The following UNC79 variants were observed in gnomAD, a reference collection of about 807,000 sequenced individuals.
UNC79 encodes the protein protein unc-79 homolog.
UNC79 carries 37 observed loss-of-function variants against 283.1 expected under a neutral mutation model. That is an observed-to-expected ratio of 0.13 (90% CI 0.10 to 0.17). UNC79 has a LOEUF of 0.17. Ranked by LOEUF, UNC79 falls within the 10% of genes least tolerant of loss-of-function variation. The pLI is 1.00. For missense variants in UNC79, 2,272 were observed against 3,211.1 expected (o/e 0.71, Z 7.07); for synonymous variants, 1,107 against 1,200.2 (o/e 0.92, Z 1.61).
Position 93,617,368 on chromosome 14 carries a change from G to C in UNC79, c.4224+64G>C, listed in dbSNP as rs558226814. ...TCTCTTAGAGAGCATATAGCATTAG[G>C]AGAACACCTGAGTCTTTAGTTGAAA... is the stretch of plus-strand genomic sequence containing the variant. On this transcript the variant is annotated intron_variant, in intron 28 of 48. Coordinates refer to ENST00000555664, the Ensembl canonical transcript of UNC79. The surrounding 1 kb of genome is among the most constrained non-coding windows in gnomAD (Gnocchi z 4.5). The C allele has an allele frequency of 7.3e-5, 110 of 1,506,184 alleles. No individual in the cohort carries two copies. The African/African-American group carries it at 1.3e-3, about 18-fold the overall frequency. The allele number at this position is 1,506,184 out of a possible 1,614,324, so 93.3% of individuals were successfully genotyped here. A position where few individuals can be genotyped will look rare whatever the true frequency, so the allele number is the denominator to read the frequency against.
At chr14:93,423,227 GAA>G (rs2055646150) in intron 1 of UNC79, among the ~76,000 whole-genome samples, 1 of 151,942 alleles carries the variant, frequency 6.6e-6, no homozygotes, top group African/African-American at 2.4e-5. Context: ...ATTGAAGAAG[GAA>G]ATATATTCCA....
Position 93,621,383 on chromosome 14 carries a change from C to T in UNC79, c.4388-238C>T, listed in dbSNP as rs1301732943. 6.6e-6 allele frequency among the ~76,000 whole-genome samples: 1 copy of T among 152,144 alleles called. No individual in the cohort carries two copies. The highest frequency in any genetic ancestry group is 1.5e-5 in the Non-Finnish European group (1 of 68,020). ...AATGAACAGAGCTGAGGAATTATCC[C>T]GAAGCCCGATTTTGGAAATCAGATC... On this transcript the variant is annotated intron_variant, in intron 29 of 48. Transcript: ENST00000555664. The surrounding 1 kb of genome is among the most constrained non-coding windows in gnomAD (Gnocchi z 4.8).
chr14:93,405,010 G>A (rs191833741), intron 1 of UNC79, among the ~76,000 whole-genome samples: 2 of 151,952 alleles, frequency 1.3e-5, no homozygotes, highest in East Asian at 1.9e-4. Context: ...GAGTCGGGAG[G>A]GGTGGTTCAT....
intron 11 of UNC79, among the ~76,000 whole-genome samples, chr14:93,534,476 A>C (rs541283445): frequency 5.3e-5 from 8 of 152,124 alleles, no homozygotes; most frequent in Non-Finnish European, 1.2e-4. Flanking sequence ...TGGGGTCCTG[A>C]GCCCCCAAAG....
chr14:93,690,032 A>T lies in UNC79; in HGVS notation c.7086-85A>T. 1 of 1,450,716 alleles carries T rather than the reference A, an allele frequency of 6.9e-7. No homozygotes were observed. The highest frequency in any genetic ancestry group is 9.4e-7 in the Non-Finnish European group (1 of 1,061,020). The allele number at this position is 1,450,716 out of a possible 1,614,324, so 89.9% of individuals were successfully genotyped here. A position where few individuals can be genotyped will look rare whatever the true frequency, so the allele number is the denominator to read the frequency against. On this transcript the variant is annotated intron_variant, in intron 44 of 48. Coordinates refer to ENST00000555664, the Ensembl canonical transcript of UNC79. The surrounding 1 kb of genome is among the most constrained non-coding windows in gnomAD (Gnocchi z 4.3). The stretch of plus-strand genomic sequence containing the variant: ...GATTGCCTGCAAGACCACACTTTCA[A>T]TCCCTTCCTTCAATAAGCATTTGTT...
At chr14:93,609,527 A>C (rs137990968) in intron 26 of UNC79, among the ~76,000 whole-genome samples, 10 of 152,186 alleles carry the variant, frequency 6.6e-5, no homozygotes, top group African/African-American at 2.4e-4. Context: ...TATAATTATA[A>C]ATATATTTTC....
At chr14:93,333,873 A>G (rs772773001) in intron 1 of UNC79, among the ~76,000 whole-genome samples, 6 of 152,222 alleles carry the variant, frequency 3.9e-5, no homozygotes, top group Non-Finnish European at 7.3e-5. Flanking sequence ...AACCAAGGAG[A>G]CAGGCTCAGA....
intron 18 of UNC79, 33 bp downstream of exon 18, chr14:93,578,096 G>A (rs1208754569): frequency 2.5e-6 from 4 of 1,595,986 alleles, no homozygotes; most frequent in Non-Finnish European, 3.4e-6. Context: ...TTAGTTCAGA[G>A]GTGAAGAATG....
At chr14:93,639,828 T>C (rs2068858243) in intron 32 of UNC79, among the ~76,000 whole-genome samples, 1 of 152,228 alleles carries the variant, frequency 6.6e-6, no homozygotes, top group Admixed American at 6.5e-5. Context: ...TTTATGAATA[T>C]TTTGATTCCT....
rs2067133018 is a variant in UNC79 at position 93,621,521 on chromosome 14, A to T, written c.4388-100A>T. 7.5e-7 allele frequency: 1 copy of T among 1,340,170 alleles called. No individual in the cohort carries two copies. Among genetic ancestry groups the T allele is most frequent in the South Asian group, 2.2e-5 (1 of 45,620 alleles). 83.0% of individuals were successfully genotyped at this position (1,340,170 alleles called of 1,614,324 possible). On this transcript the variant is annotated intron_variant, in intron 29 of 48. Transcript: ENST00000555664. The surrounding 1 kb of genome is among the most constrained non-coding windows in gnomAD (Gnocchi z 4.8). ...CGTTTTCCCTCCTGGTGGAGCTGGG[A>T]TTGTGATGATGATTTATGCCAATTG...
At chr14:93,506,970 C>T (rs1567021443) in intron 7 of UNC79, among the ~76,000 whole-genome samples, 1 of 152,192 alleles carries the variant, frequency 6.6e-6, no homozygotes, top group Non-Finnish European at 1.5e-5. Flanking sequence ...TTCATATATT[C>T]ATCTAATTCA....
At chr14:93,467,566 T>A in intron 1 of UNC79, 105 bp from the exon 2 acceptor site, 1 of 1,166,508 alleles carries the variant, frequency 8.6e-7, no homozygotes, top group Non-Finnish European at 1.1e-6. Flanking sequence ...TAATCATTTT[T>A]AAAAATGACT....
chr14:93,576,193 C>CAGTGA (rs1053251063), intron 17 of UNC79, among the ~76,000 whole-genome samples: 5 of 152,164 alleles, frequency 3.3e-5, no homozygotes, highest in African/African-American at 9.7e-5. Context: ...ACCTGATGTT[C>CAGTGA]AGTGAAGTGA....
intron 32 of UNC79, 41 bp from the exon 36 acceptor site, chr14:93,641,104 C>T: frequency 6.4e-7 from 1 of 1,559,028 alleles, no homozygotes; most frequent in Non-Finnish European, 8.8e-7. Context: ...CCCCTTGAAG[C>T]TCATCTATAT....
chr14:93,688,652 T>C lies in UNC79; in HGVS notation c.6910-13T>C. 6.2e-7 allele frequency: 1 copy of C among 1,608,688 alleles called. No individual in the cohort carries two copies. The highest frequency in any genetic ancestry group is 2.2e-5 in the East Asian group (1 of 44,706). On this transcript the variant is annotated splice_polypyrimidine_tract_variant and intron_variant, in intron 43 of 48. Coordinates refer to ENST00000555664, the Ensembl canonical transcript of UNC79. This position sits in a 1 kb window ranked among gnomAD's most constrained non-coding sequence, Gnocchi z 4.0. ...TGTCTGCCAGAGTTACAAAATACCA[T>C]TCGGTTTTGTAGAGCCACATGAAGA...
At chr14:93,561,221 G>A (rs1019484036) in intron 14 of UNC79, among the ~76,000 whole-genome samples, 3 of 152,230 alleles carry the variant, frequency 2.0e-5, no homozygotes, top group African/African-American at 7.2e-5. Context: ...GGGAATTCCA[G>A]TGGGTCTTTG....
chr14:93,624,206 GC>G (rs1452282558), intron 30 of UNC79, among the ~76,000 whole-genome samples: 2 of 152,118 alleles, frequency 1.3e-5, no homozygotes, highest in Non-Finnish European at 2.9e-5. Flanking sequence ...GTTTCTAGCT[GC>G]CCTTTAGCTC....
intron 1 of UNC79, among the ~76,000 whole-genome samples, chr14:93,362,870 C>T (rs2054254348): frequency 6.6e-6 from 1 of 151,890 alleles, no homozygotes; most frequent in African/African-American, 2.4e-5. Flanking sequence ...TTTAGGTCTT[C>T]TGTTTTTTTC....
chr14:93,486,981 T>A (rs1458675575), intron 4 of UNC79, among the ~76,000 whole-genome samples: 6 of 152,148 alleles, frequency 3.9e-5, no homozygotes, highest in Non-Finnish European at 8.8e-5. Context: ...GATTCACAAA[T>A]TGCTTTATTT....
Sources: allele counts gnomAD v4.1 joint callset (sites outside exome capture counted in the v4.1 genomes callset), GRCh38; gene constraint gnomAD v4.1.1; non-coding constraint Gnocchi (gnomAD v3.1); transcripts MANE v1.5; gene names NCBI Gene and HGNC (gene_info 2026-07-23, HGNC 2026-07-21).